The following KCNQ3 variants were observed in gnomAD, a reference collection of about 807,000 sequenced individuals.
The protein encoded by KCNQ3 is potassium voltage-gated channel subfamily KQT member 3.
Under a neutral mutation model 92.5 loss-of-function variants are expected in KCNQ3, and 30 were observed. The observed-to-expected ratio is 0.32, with a 90% CI of 0.24 to 0.44. KCNQ3 has a LOEUF of 0.44. KCNQ3 is among the 20% of genes least tolerant of loss of function. KCNQ3 has a pLI of 1.00. For missense variants in KCNQ3, 913 were observed against 1,140.3 expected (o/e 0.80, Z 2.87); for synonymous variants, 450 against 468.8 (o/e 0.96, Z 0.52).
At chr8:132,195,548 T>C (rs564403519) in intron 1 of KCNQ3, among the ~76,000 whole-genome samples, 1 of 152,176 alleles carries the variant, frequency 6.6e-6, no homozygotes, top group African/African-American at 2.4e-5. Flanking sequence ...GAGTGTGCCC[T>C]TCACCATGTA....
At chr8:132,163,574 G>A in intron 8 of KCNQ3, 80 bp from the exon 9 acceptor site, 1 of 1,192,350 alleles carries the variant, frequency 8.4e-7, no homozygotes, top group Admixed American at 1.7e-5. Flanking sequence ...TTGCTGCAAA[G>A]CTTCTCTCTG....
At chr8:132,254,441 T>C (rs1815513700) in intron 1 of KCNQ3, among the ~76,000 whole-genome samples, 1 of 152,218 alleles carries the variant, frequency 6.6e-6, no homozygotes, top group African/African-American at 2.4e-5. Flanking sequence ...GCTACTAACA[T>C]GATCATGAAA....
rs114870940 is a variant in KCNQ3, at chr8:132,185,270, C to G, written c.477+821G>C. Among the ~76,000 whole-genome samples, 531 of 152,362 alleles carry G rather than the reference C, an allele frequency of 3.5e-3. 5 individuals are homozygous for G. Among genetic ancestry groups the G allele is most frequent in the African/African-American group, 0.012 (482 of 41,596 alleles). On this transcript the variant is annotated intron_variant, in intron 2 of 14. Transcript: ENST00000388996. ...GGCTCCACTATTTTAAAAGCCCTAACTAGGGGGCCACACCACTGCCCTGTG... is the reference window on the plus strand; with the variant it reads ...GGCTCCACTATTTTAAAAGCCCTAAGTAGGGGGCCACACCACTGCCCTGTG...
chr8:132,191,502 A>G (rs1254724229), intron 1 of KCNQ3, among the ~76,000 whole-genome samples: 2 of 151,414 alleles, frequency 1.3e-5, no homozygotes, highest in East Asian at 3.9e-4. Context: ...ACACACATAC[A>G]TATATATGTA....
chr8:132,146,023 C>T (rs1238108388), intron 9 of KCNQ3, among the ~76,000 whole-genome samples: 1 of 152,108 alleles, frequency 6.6e-6, no homozygotes. Context: ...CAGAGTGGCA[C>T]CAGATGAGAT....
In KCNQ3 at chr8:132,480,597, G is replaced by A. The variant is rs180674534; in HGVS notation, c.-65C>T. 1.1e-3 allele frequency: 1,321 copies of A among 1,231,366 alleles called. 24 individuals are homozygous for A. In the African/African-American group the frequency reaches 0.018, roughly 17 times the overall value. The allele number at this position is 1,231,366 out of a possible 1,614,324, so 76.3% of individuals were successfully genotyped here. A position where few individuals can be genotyped will look rare whatever the true frequency, so the allele number is the denominator to read the frequency against. On this transcript the variant is annotated 5_prime_UTR_variant, in exon 1 of 15. Coordinates refer to ENST00000388996, the MANE Select transcript of KCNQ3 (RefSeq NM_004519.4). Reference sequence around the variant, plus strand: ...TGCTCTGGGAAGAAGGGGCGCTCGGGGTGCGTGAACGAGGCGGCGGCGGCG... The same window carrying A: ...TGCTCTGGGAAGAAGGGGCGCTCGGAGTGCGTGAACGAGGCGGCGGCGGCG...
At chr8:132,223,514 T>TTTG (rs1814305348) in intron 1 of KCNQ3, among the ~76,000 whole-genome samples, 1 of 152,352 alleles carries the variant, frequency 6.6e-6, no homozygotes, top group South Asian at 2.1e-4. Flanking sequence ...TTAGTTATAA[T>TTTG]TAAGATTTGT....
chr8:132,339,750 T>C (rs1818465657), intron 1 of KCNQ3, among the ~76,000 whole-genome samples: 1 of 152,132 alleles, frequency 6.6e-6, no homozygotes, highest in Non-Finnish European at 1.5e-5. Context: ...TTGCCATCAC[T>C]ATGAAGTCCA....
chr8:132,348,680 G>C (rs994053368), intron 1 of KCNQ3, among the ~76,000 whole-genome samples: 1 of 152,210 alleles, frequency 6.6e-6, no homozygotes, highest in Non-Finnish European at 1.5e-5. Flanking sequence ...TCTTCACAGA[G>C]GGCTCTGTCA....
At chr8:132,156,733 T>G (rs960398372) in intron 9 of KCNQ3, among the ~76,000 whole-genome samples, 1 of 152,232 alleles carries the variant, frequency 6.6e-6, no homozygotes, top group Non-Finnish European at 1.5e-5. Flanking sequence ...CACAAACATG[T>G]AGTATCGCTA....
chr8:132,210,384 T>C (rs1358992609), intron 1 of KCNQ3, among the ~76,000 whole-genome samples: 1 of 152,250 alleles, frequency 6.6e-6, no homozygotes, highest in Non-Finnish European at 1.5e-5. Flanking sequence ...GCTGTGTCCC[T>C]GCAGTCAGAA....
chr8:132,415,608 T>C (rs1362206378), intron 1 of KCNQ3, among the ~76,000 whole-genome samples: 2 of 152,182 alleles, frequency 1.3e-5, no homozygotes, highest in Non-Finnish European at 2.9e-5. Flanking sequence ...TCCATTTCTG[T>C]CTGTTCTCTG....
At chr8:132,452,314 A>G (rs961722790) in intron 1 of KCNQ3, among the ~76,000 whole-genome samples, 1 of 152,142 alleles carries the variant, frequency 6.6e-6, no homozygotes, top group African/African-American at 2.4e-5. Context: ...AAACTCCTCT[A>G]GGTGCCTCTT....
intron 1 of KCNQ3, among the ~76,000 whole-genome samples, chr8:132,285,828 G>T (rs959912700): frequency 6.6e-6 from 1 of 152,198 alleles, no homozygotes; most frequent in African/African-American, 2.4e-5. Context: ...GATTGACCCA[G>T]GGTGTTCCCA....
At chr8:132,359,597 AAG>A (rs1252049428) in intron 1 of KCNQ3, among the ~76,000 whole-genome samples, 1 of 152,138 alleles carries the variant, frequency 6.6e-6, no homozygotes, top group Non-Finnish European at 1.5e-5. Context: ...ACACTCCAGA[AAG>A]AGAGTCCTTG....
intron 1 of KCNQ3, among the ~76,000 whole-genome samples, chr8:132,457,621 G>A (rs1821972362): frequency 6.6e-6 from 1 of 152,150 alleles, no homozygotes; most frequent in African/African-American, 2.4e-5. Context: ...ATCAAAGGCT[G>A]CCTCCAGAAA....
chr8:132,444,982 G>C (rs1053326346), intron 1 of KCNQ3, among the ~76,000 whole-genome samples: 4 of 152,198 alleles, frequency 2.6e-5, no homozygotes, highest in African/African-American at 9.7e-5. Flanking sequence ...AGTATAAGGA[G>C]ACTTGGATTT....
At chr8:132,333,060 G>C (rs960960057) in intron 1 of KCNQ3, among the ~76,000 whole-genome samples, 1 of 149,742 alleles carries the variant, frequency 6.7e-6, no homozygotes, top group African/African-American at 2.4e-5. Context: ...TGGATGGATG[G>C]AAGATGAACA....
At chr8:132,229,458 C>T (rs1348955827) in intron 1 of KCNQ3, among the ~76,000 whole-genome samples, 3 of 151,874 alleles carry the variant, frequency 2.0e-5, no homozygotes, top group South Asian at 2.1e-4. Context: ...AAGGAAGAGT[C>T]GGAGGATGGC....
Sources: allele counts gnomAD v4.1 joint callset (sites outside exome capture counted in the v4.1 genomes callset), GRCh38; gene constraint gnomAD v4.1.1; transcripts MANE v1.5; gene names NCBI Gene and HGNC (gene_info 2026-07-23, HGNC 2026-07-21).